ABI3BP: variants seen among roughly 807,000 people sequenced by gnomAD.
The protein encoded by ABI3BP is ABI family member 3 binding protein, also known as target of Nesh-SH3.
A neutral mutation model predicts 268.6 loss-of-function variants in ABI3BP; 216 were observed. The ratio of observed to expected loss-of-function variants is 0.80; its 90% confidence interval spans 0.72 to 0.90. The LOEUF (loss-of-function observed/expected upper bound fraction) is 0.90, where lower values mean the gene tolerates loss of function less well. Among genes scored for constraint, ABI3BP ranks in the 40% least tolerant of loss-of-function variants. The probability of loss-of-function intolerance (pLI) is 0.00; values close to 1 mark genes in which losing one functional copy is unlikely to be tolerated. For synonymous variants in ABI3BP, 730 were observed against 730.0 expected, an observed-to-expected ratio of 1.00 and a Z score of 0.00; for missense variants, 2,090 against 2,182.4, an observed-to-expected ratio of 0.96 and a Z score of 0.84.
At chr3:100,946,853 T>C (rs1015895247) in intron 1 of ABI3BP, among the ~76,000 whole-genome samples, 1 of 152,122 alleles carries the variant, frequency 6.6e-6, no homozygotes. Flanking sequence ...TGAGTTGTCT[T>C]TCAATCTCCA....
At chr3:100,963,996 T>G (rs1047712585) in intron 1 of ABI3BP, among the ~76,000 whole-genome samples, 2 of 152,206 alleles carry the variant, frequency 1.3e-5, no homozygotes, top group Non-Finnish European at 1.5e-5. Flanking sequence ...TTTACATTAT[T>G]CATTTAGTAT....
intron 40 of ABI3BP, among the ~76,000 whole-genome samples, chr3:100,819,050 C>T (rs1372776207): frequency 6.6e-6 from 1 of 152,148 alleles, no homozygotes; most frequent in African/African-American, 2.4e-5. Flanking sequence ...TAAAGGCACT[C>T]AGCAAATCAG....
rs776522537 is a variant in ABI3BP at position 100,900,199 on chromosome 3, T to C, written c.329-1305A>G. Among the ~76,000 whole-genome samples the C allele has an allele frequency of 5.8e-4, 88 of 152,230 alleles. 1 individual carries two copies. The highest frequency in any genetic ancestry group is 1.2e-3 in the Non-Finnish European group (81 of 68,034). The stretch of plus-strand genomic sequence containing the variant: ...TAACTTCTGCAGACCCAGCTGTAAT[T>C]GTGCCTTATATGATGGTGATTTAAA... On this transcript the variant is annotated intron_variant, in intron 3 of 67. Coordinates refer to ENST00000471714, the MANE Select transcript of ABI3BP (RefSeq NM_001375547.2).
intron 28 of ABI3BP, among the ~76,000 whole-genome samples, chr3:100,835,358 T>C (rs1024147116): frequency 1.3e-5 from 2 of 152,140 alleles, no homozygotes; most frequent in Non-Finnish European, 2.9e-5. Flanking sequence ...TGTCAAGCAT[T>C]AATAAAGCTG....
chr3:100,778,354 T>C lies in ABI3BP; in HGVS notation c.4263A>G (p.Pro1421=). 1 of 1,610,248 alleles carries C rather than the reference T, an allele frequency of 6.2e-7. No homozygotes were observed. The highest frequency in any genetic ancestry group is 1.1e-5 in the South Asian group (1 of 90,674). ...TTCTTCGTGGGTGTGTAGGTCTGGGTGGCAAGGGTGGGCGGCGAGTCCCTG... is the reference window on the plus strand; with the variant it reads ...TTCTTCGTGGGTGTGTAGGTCTGGGCGGCAAGGGTGGGCGGCGAGTCCCTG... ...KKPGTRRPPL[P]PRPTHPRRKP... The change falls in exon 59 of 68, where the codon CCA becomes CCG. Residue 1421 remains proline, a synonymous_variant. Coordinates refer to ENST00000471714, the MANE Select transcript of ABI3BP (RefSeq NM_001375547.2).
At chr3:100,786,739 T>C (rs1441122871) in intron 57 of ABI3BP, among the ~76,000 whole-genome samples, 6 of 152,146 alleles carry the variant, frequency 3.9e-5, no homozygotes, top group Admixed American at 6.6e-5. Flanking sequence ...AATCCCACAG[T>C]TGGGCAGAAT....
chr3:100,978,196 G>A (rs946543563), intron 1 of ABI3BP, among the ~76,000 whole-genome samples: 8 of 152,180 alleles, frequency 5.3e-5, no homozygotes, highest in African/African-American at 1.9e-4. Flanking sequence ...TGGCTGCCAA[G>A]TGCAAGTGTC....
intron 1 of ABI3BP, among the ~76,000 whole-genome samples, chr3:100,989,597 A>G (rs1261031680): frequency 6.6e-6 from 1 of 152,172 alleles, no homozygotes; most frequent in Non-Finnish European, 1.5e-5. Flanking sequence ...TGGCCATCAG[A>G]TTACACTTGT....
Position 100,792,741 on chromosome 3 carries a change from G to T in ABI3BP, c.3974C>A (p.Pro1325His), listed in dbSNP as rs114144845. The change falls in exon 55 of 68, where the codon CCT becomes CAT. Residue 1325 changes from proline to histidine, a missense_variant. Transcript: ENST00000471714. Reference protein sequence around the residue: ...LEETDQSTQEPFTTKIPRTTE... With the variant: ...LEETDQSTQEHFTTKIPRTTE... ...TGTTCGTGGAATCTTAGTTGTGAAA[G>T]GTTCTTGGGTGGATTGGTCTGTTTC... 6.2e-7 allele frequency: 1 copy of T among 1,611,572 alleles called. No homozygotes were observed. The highest frequency in any genetic ancestry group is 8.5e-7 in the Non-Finnish European group (1 of 1,178,290).
intron 3 of ABI3BP, among the ~76,000 whole-genome samples, chr3:100,901,561 C>T (rs533527453): frequency 6.6e-6 from 1 of 152,030 alleles, no homozygotes; most frequent in African/African-American, 2.4e-5. Flanking sequence ...GTCAGGAGGT[C>T]GAGACTGTCC....
chr3:100,875,255 T>C (rs2099149282), intron 8 of ABI3BP, among the ~76,000 whole-genome samples: 1 of 152,202 alleles, frequency 6.6e-6, no homozygotes, highest in South Asian at 2.1e-4. Flanking sequence ...GTCAACTCTG[T>C]GGGGCAGGTA....
intron 3 of ABI3BP, among the ~76,000 whole-genome samples, chr3:100,899,818 G>T (rs1209281730): frequency 6.6e-6 from 1 of 152,168 alleles, no homozygotes; most frequent in Non-Finnish European, 1.5e-5. Context: ...TATTTCTTGA[G>T]ACTATGAATG....
At chr3:100,787,627 G>A in intron 57 of ABI3BP, 101 bp downstream of exon 57, 1 of 1,024,850 alleles carries the variant, frequency 9.8e-7, no homozygotes, top group Non-Finnish European at 1.3e-6. Flanking sequence ...TTTAAAAACT[G>A]GTAAAAAGGA....
intron 6 of ABI3BP, among the ~76,000 whole-genome samples, chr3:100,877,477 C>T (rs1055121829): frequency 6.6e-6 from 1 of 152,168 alleles, no homozygotes; most frequent in Non-Finnish European, 1.5e-5. Flanking sequence ...GGACATATCC[C>T]AGAGGACTCT....
Position 100,761,950 on chromosome 3 carries a change from A to G in ABI3BP, c.4850+3891T>C, listed in dbSNP as rs1017869142. ...ATAATTCTTTCAGAAGCTTTGATCC[A>G]TCTTCCAGTTATTCAAACAGGGAAT... On this transcript the variant is annotated intron_variant, in intron 63 of 67. Transcript: ENST00000471714. 3.9e-5 allele frequency among the ~76,000 whole-genome samples: 6 copies of G among 152,366 alleles called. No homozygotes were observed. In the East Asian group the frequency reaches 1.2e-3, roughly 29 times the overall value.
intron 1 of ABI3BP, among the ~76,000 whole-genome samples, chr3:100,933,702 G>T (rs1390307229): frequency 6.7e-6 from 1 of 149,030 alleles, no homozygotes; most frequent in Non-Finnish European, 1.5e-5. Context: ...TCAATAAAAA[G>T]AAAGAAAAAA....
chr3:100,875,399 C>A (rs886879648), intron 8 of ABI3BP, 109 bp downstream of exon 8: 2 of 812,408 alleles, frequency 2.5e-6, no homozygotes, highest in Non-Finnish European at 2.1e-6. Context: ...AGGAAGTGAA[C>A]CACATCAATT....
At chr3:100,930,125 G>A (rs1242830127) in intron 1 of ABI3BP, among the ~76,000 whole-genome samples, 3 of 151,958 alleles carry the variant, frequency 2.0e-5, no homozygotes, top group African/African-American at 4.8e-5. Context: ...TCTGGTGAGT[G>A]CCTTAAGGTA....
At position 100,874,946 on chromosome 3, in the gene ABI3BP, A is replaced by C. The variant is rs766806305; in HGVS notation, c.818-13T>G. ...ATAATAAGGTGGACTGCAAGGAAAT[A>C]GATGTAAATAAGATAAGGGGAAGAA... On this transcript the variant is annotated splice_polypyrimidine_tract_variant and intron_variant, in intron 8 of 67. Transcript: ENST00000471714. The C allele has an allele frequency of 3.4e-6, 5 of 1,488,722 alleles. No individual in the cohort carries two copies. In the Admixed American group the frequency reaches 9.2e-5, roughly 27 times the overall value. The allele number at this position is 1,488,722 out of a possible 1,614,324, so 92.2% of individuals were successfully genotyped here.
Sources: gnomAD v4.1 joint callset for allele counts (sites outside exome capture counted in the v4.1 genomes callset) on GRCh38, gnomAD v4.1.1 for gene constraint, MANE v1.5 for transcripts, NCBI Gene and HGNC (gene_info 2026-07-23, HGNC 2026-07-21) for gene names.